Variants in ELAPOR2 observed in about 807,000 individuals in gnomAD.
The protein encoded by ELAPOR2 is endosome-lysosome associated apoptosis and autophagy regulator family member 2.
A neutral mutation model predicts 120.7 loss-of-function variants in ELAPOR2; 89 were observed. That is an observed-to-expected ratio of 0.74 (90% CI 0.62 to 0.88). ELAPOR2 has a LOEUF of 0.88. Ranked by LOEUF, ELAPOR2 falls within the 40% of genes least tolerant of loss-of-function variation. The pLI, the probability that ELAPOR2 is intolerant of heterozygous loss-of-function variation, is 0.00. For missense variants in ELAPOR2, 1,134 were observed against 1,251.6 expected (o/e 0.91, Z 1.42); for synonymous variants, 444 against 444.9 (o/e 1.00, Z 0.03).
chr7:87,059,444 C>G lies in ELAPOR2; in HGVS notation c.70G>C (p.Gly24Arg), dbSNP rs978694747. 3 of 1,229,604 alleles carry G rather than the reference C, an allele frequency of 2.4e-6. No individual in the cohort carries two copies. The highest frequency in any genetic ancestry group is 4.3e-5 in the Admixed American group (1 of 23,386). The allele number at this position is 1,229,604 out of a possible 1,614,324, so 76.2% of individuals were successfully genotyped here. A position where few individuals can be genotyped will look rare whatever the true frequency, so the allele number is the denominator to read the frequency against. The change falls in exon 1 of 22, where the codon GGG (glycine) becomes CGG (arginine). Residue 24 changes from glycine (G) to arginine (R), a missense_variant. By Grantham distance (125) the Gly-to-Arg change is moderately radical. Transcript: ENST00000450689. ...WGRPAEAPRR[G>R]RSPPWSPAWI... The stretch of plus-strand genomic sequence containing the variant: ...GCGGGGCTCCAGGGCGGCGAGCGCC[C>G]GCGGCGGGGAGCCTCCGCCGGCCGC...
At chr7:86,903,600 T>C (rs942876359) in intron 18 of ELAPOR2, among the ~76,000 whole-genome samples, 5 of 152,188 alleles carry the variant, frequency 3.3e-5, no homozygotes, top group Admixed American at 6.5e-5. Context: ...ATGAATTTGA[T>C]AGAGAGACTC....
chr7:86,889,418 C>G (rs1018091551), intron 21 of ELAPOR2, among the ~76,000 whole-genome samples: 11 of 151,630 alleles, frequency 7.3e-5, no homozygotes, highest in African/African-American at 2.4e-4. Context: ...CCCCCCAGCT[C>G]CAGTGGATGC....
intron 18 of ELAPOR2, 113 bp downstream of exon 18, chr7:86,907,557 T>G: frequency 1.4e-6 from 1 of 690,368 alleles, no homozygotes; most frequent in Non-Finnish European, 2.3e-6. Context: ...ACCCTACAGA[T>G]TGTTCTGTTT....
At chr7:86,910,036 T>C (rs763824526) in intron 15 of ELAPOR2, 35 bp from the exon 16 acceptor site, 3 of 1,513,986 alleles carry the variant, frequency 2.0e-6, no homozygotes, top group Non-Finnish European at 2.7e-6. Flanking sequence ...AAGGTTTTAT[T>C]GGATGTCAAT....
intron 10 of ELAPOR2, chr7:86,919,571 T>C (rs1789728817): frequency 3.4e-6 from 1 of 291,270 alleles, no homozygotes; most frequent in Middle Eastern, 1.0e-3. Flanking sequence ...GCATGATTTG[T>C]ATTTTAACTA....
intron 1 of ELAPOR2, among the ~76,000 whole-genome samples, chr7:86,990,965 G>T (rs985553065): frequency 5.3e-5 from 8 of 152,172 alleles, no homozygotes; most frequent in Non-Finnish European, 1.2e-4. Flanking sequence ...AACTGGGGTT[G>T]TTCCTTTAAT....
Position 86,892,780 on chromosome 7 carries a change from G to C in ELAPOR2, c.2864+142C>G, listed in dbSNP as rs571797049. The C allele has an allele frequency of 1.0e-5, 6 of 602,944 alleles. No individual in the cohort carries two copies. The South Asian group carries it at 2.0e-4, about 20-fold the overall frequency. 37.3% of individuals were successfully genotyped at this position (602,944 alleles called of 1,614,324 possible). On this transcript the variant is annotated intron_variant, in intron 20 of 21. Coordinates refer to ENST00000450689, the MANE Select transcript of ELAPOR2 (RefSeq NM_001142749.3). ...CGTTTCCTCTGCTTGCTTTCTCAAG[G>C]CCTTTCCTATGATTTCTTCGCAAGG...
chr7:87,010,969 T>A (rs941159758), intron 1 of ELAPOR2, among the ~76,000 whole-genome samples: 1 of 151,920 alleles, frequency 6.6e-6, no homozygotes, highest in Non-Finnish European at 1.5e-5. Context: ...GATAAATTTT[T>A]AAAAAGAAAA....
intron 1 of ELAPOR2, among the ~76,000 whole-genome samples, chr7:87,055,657 G>A (rs1011486747): frequency 6.6e-6 from 1 of 151,814 alleles, no homozygotes; most frequent in African/African-American, 2.4e-5. Context: ...TCCTCCATAG[G>A]GCCTTTTCTG....
rs112781086 is a variant in ELAPOR2, at chr7:87,046,117, A to T, written c.189+13208T>A. Among the ~76,000 whole-genome samples the T allele has an allele frequency of 8.0e-3, 1,217 of 152,354 alleles. 16 individuals are homozygous for T. The highest frequency in any genetic ancestry group is 0.028 in the African/African-American group (1,169 of 41,576). On this transcript the variant is annotated intron_variant, in intron 1 of 21. Coordinates refer to ENST00000450689, the MANE Select transcript of ELAPOR2 (RefSeq NM_001142749.3). ...AAAATTCAACAAGGTTGCAGGATAC[A>T]CAAATCAACATACAAAAATCAGTGG...
chr7:87,057,713 GT>G (rs1163250146), intron 1 of ELAPOR2, among the ~76,000 whole-genome samples: 1 of 152,100 alleles, frequency 6.6e-6, no homozygotes, highest in Non-Finnish European at 1.5e-5. Context: ...AGGTATACAT[GT>G]GTAGGACATG....
intron 10 of ELAPOR2, chr7:86,919,564 T>A (rs2116168710): frequency 3.3e-6 from 1 of 299,370 alleles, no homozygotes; most frequent in East Asian, 6.2e-5. Flanking sequence ...CAATGAAGCA[T>A]GATTTGTATT....
At chr7:87,022,170 T>C (rs1660204635) in intron 1 of ELAPOR2, among the ~76,000 whole-genome samples, 1 of 151,966 alleles carries the variant, frequency 6.6e-6, no homozygotes, top group Non-Finnish European at 1.5e-5. Flanking sequence ...TGTTGGTGTG[T>C]TGCACCAATT....
intron 4 of ELAPOR2, 70 bp from the exon 5 acceptor site, chr7:86,942,174 C>CTGGGT: frequency 3.5e-6 from 3 of 851,382 alleles, no homozygotes; most frequent in Non-Finnish European, 5.8e-6. Context: ...CTGTACCCAG[C>CTGGGT]ACAGACTGCA....
At chr7:87,054,847 T>C (rs942066308) in intron 1 of ELAPOR2, among the ~76,000 whole-genome samples, 1 of 152,198 alleles carries the variant, frequency 6.6e-6, no homozygotes, top group Non-Finnish European at 1.5e-5. Context: ...TCTTCAGTCA[T>C]CATCTTATTT....
At position 87,000,155 on chromosome 7, in the gene ELAPOR2, C is replaced by A. The variant is rs866059279; in HGVS notation, c.190-35131G>T. Among the ~76,000 whole-genome samples, 134 of 151,856 alleles carry A rather than the reference C, an allele frequency of 8.8e-4. 1 individual carries two copies. The highest frequency in any genetic ancestry group is 7.9e-4 in the Admixed American group (12 of 15,220). Reference sequence around the variant, plus strand: ...CTTTGTGAAACTATCCTGGTTAATACGCATCATTCCTCTTTCTTAGGAAAG... The same window carrying A: ...CTTTGTGAAACTATCCTGGTTAATAAGCATCATTCCTCTTTCTTAGGAAAG... On this transcript the variant is annotated intron_variant, in intron 1 of 21. Transcript: ENST00000450689.
intron 1 of ELAPOR2, among the ~76,000 whole-genome samples, chr7:87,010,818 G>A (rs1170738314): frequency 2.0e-5 from 3 of 151,798 alleles, no homozygotes; most frequent in Non-Finnish European, 4.4e-5. Flanking sequence ...GAGGTTGGTT[G>A]AATCCACAGA....
chr7:86,950,523 C>T (rs1418072117), intron 2 of ELAPOR2, among the ~76,000 whole-genome samples: 3 of 152,122 alleles, frequency 2.0e-5, no homozygotes, highest in Admixed American at 6.5e-5. Context: ...CCATATTCCC[C>T]GGTGCCAGCA....
In ELAPOR2 at chr7:87,036,970, T is replaced by A. The variant is rs1037098785; in HGVS notation, c.189+22355A>T. 3.3e-5 allele frequency among the ~76,000 whole-genome samples: 5 copies of A among 152,228 alleles called. No individual in the cohort carries two copies. The East Asian group carries it at 5.8e-4, about 18-fold the overall frequency. Reference sequence around the variant, plus strand: ...AAGAAAACACCCTGAATATTAAAAATCACCCTGCCTATATCATACTCCAGA... The same window carrying A: ...AAGAAAACACCCTGAATATTAAAAAACACCCTGCCTATATCATACTCCAGA... On this transcript the variant is annotated intron_variant, in intron 1 of 21. Coordinates refer to ENST00000450689, the MANE Select transcript of ELAPOR2 (RefSeq NM_001142749.3).
Sources: allele counts gnomAD v4.1 joint callset (sites outside exome capture counted in the v4.1 genomes callset), GRCh38; gene constraint gnomAD v4.1.1; transcripts MANE v1.5; gene names NCBI Gene and HGNC (gene_info 2026-07-23, HGNC 2026-07-21).